The following ARHGAP26 variants were observed in gnomAD, a reference collection of about 807,000 sequenced individuals.
ARHGAP26 encodes the protein rho GTPase-activating protein 26.
A neutral mutation model predicts 104.8 loss-of-function variants in ARHGAP26; 38 were observed. The ratio of observed to expected loss-of-function variants is 0.36; its 90% CI spans 0.28 to 0.48. The LOEUF is 0.48. ARHGAP26 is among the 20% of genes least tolerant of loss of function. The pLI is 0.99. For synonymous variants in ARHGAP26, 341 were observed against 340.0 expected, an observed-to-expected ratio of 1.00 and a Z score of -0.03; for missense variants, 704 against 947.9, an observed-to-expected ratio of 0.74 and a Z score of 3.38.
intron 20 of ARHGAP26, among the ~76,000 whole-genome samples, chr5:143,182,817 C>T (rs376245524): frequency 5.9e-5 from 9 of 152,208 alleles, no homozygotes; most frequent in African/African-American, 2.2e-4. Context: ...AAAATCAAGC[C>T]CCATGTAAAT....
intron 20 of ARHGAP26, among the ~76,000 whole-genome samples, chr5:143,183,651 C>A (rs955231246): frequency 6.6e-6 from 1 of 152,196 alleles, no homozygotes; most frequent in South Asian, 2.1e-4. Flanking sequence ...CTGCATTCAC[C>A]AGTGGAAATT....
At chr5:142,946,390 C>G (rs1767107421) in intron 11 of ARHGAP26, among the ~76,000 whole-genome samples, 1 of 152,206 alleles carries the variant, frequency 6.6e-6, no homozygotes, top group South Asian at 2.1e-4. Flanking sequence ...GACCCTCTTT[C>G]AGATATTGGG....
chr5:142,808,241 A>T (rs1256009037), intron 1 of ARHGAP26, among the ~76,000 whole-genome samples: 89 of 42,112 alleles, frequency 2.1e-3, no homozygotes, highest in East Asian at 8.1e-3. Flanking sequence ...TCTCGGAAAA[A>T]AAAAAAAAAA....
intron 12 of ARHGAP26, among the ~76,000 whole-genome samples, chr5:143,035,568 G>A (rs552995778): frequency 2.0e-4 from 30 of 152,270 alleles, no homozygotes; most frequent in Middle Eastern, 3.4e-3. Context: ...AGGGATAAAA[G>A]CCTACAAATA....
chr5:142,989,711 A>T (rs1775302384), intron 11 of ARHGAP26, among the ~76,000 whole-genome samples: 1 of 152,158 alleles, frequency 6.6e-6, no homozygotes, highest in African/African-American at 2.4e-5. Flanking sequence ...TCCTTCACTT[A>T]TGAAGCTTAG....
At chr5:142,913,393 C>G (rs1447083839) in intron 10 of ARHGAP26, 100 bp downstream of exon 10, 1 of 982,144 alleles carries the variant, frequency 1.0e-6, no homozygotes, top group Non-Finnish European at 1.6e-6. Context: ...TTCCCCTTCT[C>G]CCCCTCCCTC....
chr5:142,949,213 GAGAGAGAGGAGAGAGAGAGGAGAGAGA>G lies in ARHGAP26; in HGVS notation c.1107+17089_1107+17115del, dbSNP rs1231040372. On this transcript the variant is annotated intron_variant, in intron 11 of 22. Coordinates refer to ENST00000645722, the MANE Select transcript of ARHGAP26 (RefSeq NM_001135608.3). ...AGAGAGAGAGAGAGAGAGAGAGAGA[GAGAGAGAGGAGAGAGAGAGGAGAGAGA>G]GAGAGAGAGAGAGAGAGTTGAGAAT... 2.2e-4 allele frequency among the ~76,000 whole-genome samples: 14 copies of G among 64,136 alleles called. No homozygotes were observed. In the East Asian group the frequency reaches 0.011, roughly 50 times the overall value. 42.1% of individuals were successfully genotyped at this position (64,136 alleles called of 152,430 possible). A position where few individuals can be genotyped will look rare whatever the true frequency, so the allele number is the denominator to read the frequency against.
At chr5:142,999,150 A>T (rs1199370567) in intron 11 of ARHGAP26, among the ~76,000 whole-genome samples, 1 of 152,136 alleles carries the variant, frequency 6.6e-6, no homozygotes, top group Non-Finnish European at 1.5e-5. Flanking sequence ...AGATACAGAG[A>T]GACGAAGAGG....
At chr5:143,135,439 G>A (rs1174611802) in intron 19 of ARHGAP26, among the ~76,000 whole-genome samples, 1 of 152,158 alleles carries the variant, frequency 6.6e-6, no homozygotes, top group Non-Finnish European at 1.5e-5. Context: ...ACAGAGGCAG[G>A]ACAGTGAGCT....
chr5:143,012,577 T>G (rs7711483), intron 11 of ARHGAP26, among the ~76,000 whole-genome samples: 2,365 of 18,614 alleles, frequency 0.13, 216 homozygotes, highest in South Asian at 0.29. Flanking sequence ...ATATATATAT[T>G]ATGATCAGGT....
intron 10 of ARHGAP26, among the ~76,000 whole-genome samples, chr5:142,913,684 AAGTT>A (rs1762126651): frequency 6.6e-6 from 1 of 152,158 alleles, no homozygotes; most frequent in East Asian, 1.9e-4. Context: ...TTAACTGAAA[AAGTT>A]AGTATAATGA....
chr5:143,045,942 C>T (rs1232498731), intron 14 of ARHGAP26, among the ~76,000 whole-genome samples: 3 of 152,082 alleles, frequency 2.0e-5, no homozygotes, highest in East Asian at 1.9e-4. Flanking sequence ...AGACCAGCCT[C>T]GCCAAATAGT....
intron 20 of ARHGAP26, among the ~76,000 whole-genome samples, chr5:143,184,279 T>G (rs898361001): frequency 1.4e-4 from 22 of 152,176 alleles, no homozygotes; most frequent in Non-Finnish European, 2.9e-4. Context: ...GCTGAAATAC[T>G]CATTACAAAT....
chr5:142,880,315 C>T (rs1173705055), intron 4 of ARHGAP26, among the ~76,000 whole-genome samples: 11 of 152,214 alleles, frequency 7.2e-5, no homozygotes, highest in East Asian at 5.8e-4. Flanking sequence ...GTCAGGAGTT[C>T]GAGACCAGGC....
intron 1 of ARHGAP26, among the ~76,000 whole-genome samples, chr5:142,815,799 C>T (rs1438786338): frequency 6.6e-6 from 1 of 151,892 alleles, no homozygotes; most frequent in East Asian, 1.9e-4. Flanking sequence ...CTGCTCTTTT[C>T]TTCTTATTTT....
intron 20 of ARHGAP26, among the ~76,000 whole-genome samples, chr5:143,150,033 C>G (rs1181203874): frequency 6.6e-6 from 1 of 152,114 alleles, no homozygotes; most frequent in Non-Finnish European, 1.5e-5. Context: ...CATCAGGGCC[C>G]TCTTATTTAC....
intron 17 of ARHGAP26, among the ~76,000 whole-genome samples, chr5:143,091,906 A>G (rs1791483002): frequency 6.6e-6 from 1 of 152,340 alleles, no homozygotes; most frequent in South Asian, 2.1e-4. Flanking sequence ...ATATATTTTT[A>G]ACCTTTTAAT....
chr5:143,129,122 T>G (rs1401435164), intron 18 of ARHGAP26, among the ~76,000 whole-genome samples: 1 of 152,246 alleles, frequency 6.6e-6, no homozygotes, highest in Admixed American at 6.5e-5. Flanking sequence ...ATTTAAATTT[T>G]GTAGACAGTG....
chr5:143,188,930 G>A (rs1278529035), intron 20 of ARHGAP26, among the ~76,000 whole-genome samples: 2 of 152,182 alleles, frequency 1.3e-5, no homozygotes, highest in Non-Finnish European at 2.9e-5. Context: ...GAAGTCCCTG[G>A]GCTGTTTGTT....
Sources: gnomAD v4.1 joint callset for allele counts (sites outside exome capture counted in the v4.1 genomes callset) on GRCh38, gnomAD v4.1.1 for gene constraint, MANE v1.5 for transcripts, NCBI Gene and HGNC (gene_info 2026-07-23, HGNC 2026-07-21) for gene names.